FAM13A: variants seen among roughly 807,000 people sequenced by gnomAD.
FAM13A encodes family with sequence similarity 13 member A.
A neutral mutation model predicts 129.6 loss-of-function variants in FAM13A; 76 were observed. That is an observed-to-expected ratio of 0.59 (90% confidence interval 0.49 to 0.71). The LOEUF (loss-of-function observed/expected upper bound fraction) is 0.71, where lower values mean the gene tolerates loss of function less well. Among genes scored for constraint, FAM13A ranks in the 30% least tolerant of loss-of-function variants. The pLI is 0.00. For synonymous variants in FAM13A, 443 were observed against 449.9 expected (o/e 0.98, Z 0.20); for missense variants, 1,108 against 1,249.3 (o/e 0.89, Z 1.70).
rs886756121 is a variant in FAM13A, at chr4:89,006,497, G to A, written c.427+13963C>T. On this transcript the variant is annotated intron_variant, in intron 3 of 23. Coordinates refer to ENST00000264344, the MANE Select transcript of FAM13A (RefSeq NM_014883.4). ...TTGCTTACTCAAACCCCTTGTGGGA[G>A]GAGGAGCATGCAGGCAAGCAGGTGC... Among the ~76,000 whole-genome samples, 12 of 152,352 alleles carry A rather than the reference G, an allele frequency of 7.9e-5. No homozygotes were observed. In the South Asian group the frequency reaches 1.0e-3, roughly 13 times the overall value.
intron 13 of FAM13A, among the ~76,000 whole-genome samples, chr4:88,761,027 C>G (rs1744721121): frequency 6.6e-6 from 1 of 152,130 alleles, no homozygotes; most frequent in African/African-American, 2.4e-5. Context: ...GTCATTTAAG[C>G]CCTCATGCTA....
At chr4:88,872,839 C>A (rs1240843934) in intron 6 of FAM13A, among the ~76,000 whole-genome samples, 1 of 152,170 alleles carries the variant, frequency 6.6e-6, no homozygotes, top group Admixed American at 6.5e-5. Context: ...AATATACATT[C>A]TTCTCAGCAC....
At chr4:88,797,695 G>C (rs1040821664) in intron 8 of FAM13A, among the ~76,000 whole-genome samples, 1 of 151,920 alleles carries the variant, frequency 6.6e-6, no homozygotes, top group Non-Finnish European at 1.5e-5. Flanking sequence ...AGTTTTTAAA[G>C]TCTCTTCTAA....
At chr4:88,820,301 C>G (rs1731646490) in intron 7 of FAM13A, among the ~76,000 whole-genome samples, 1 of 152,166 alleles carries the variant, frequency 6.6e-6, no homozygotes, top group African/African-American at 2.4e-5. Context: ...CTATGCTAAT[C>G]ATACTGTGTA....
chr4:88,873,420 A>T (rs1940438600), intron 6 of FAM13A, among the ~76,000 whole-genome samples: 1 of 152,252 alleles, frequency 6.6e-6, no homozygotes, highest in African/African-American at 2.4e-5. Flanking sequence ...GAAAAGAGAG[A>T]AGAATCAAAT....
intron 7 of FAM13A, among the ~76,000 whole-genome samples, chr4:88,812,681 C>T (rs978131806): frequency 1.3e-5 from 2 of 152,124 alleles, no homozygotes; most frequent in Admixed American, 1.3e-4. Context: ...TAGCTATAAC[C>T]GAGTGCTTAG....
chr4:88,881,089 G>C (rs964739626), intron 6 of FAM13A, among the ~76,000 whole-genome samples: 8 of 152,162 alleles, frequency 5.3e-5, no homozygotes, highest in Non-Finnish European at 1.0e-4. Context: ...GCTCTATGGC[G>C]CTGCCCACCG....
At chr4:88,902,154 T>G (rs1430600267) in intron 6 of FAM13A, among the ~76,000 whole-genome samples, 1 of 152,088 alleles carries the variant, frequency 6.6e-6, no homozygotes, top group East Asian at 1.9e-4. Flanking sequence ...CCAGAAAGAT[T>G]TGCAGCTGAA....
intron 8 of FAM13A, among the ~76,000 whole-genome samples, chr4:88,803,470 G>A (rs1355998242): frequency 3.3e-5 from 5 of 152,084 alleles, no homozygotes; most frequent in Non-Finnish European, 7.4e-5. Context: ...AGAGAAATAA[G>A]TTCTCATTCG....
intron 14 of FAM13A, among the ~76,000 whole-genome samples, chr4:88,756,615 G>A (rs1166284833): frequency 1.3e-5 from 2 of 152,002 alleles, no homozygotes; most frequent in Non-Finnish European, 2.9e-5. Context: ...TATGACTTTC[G>A]TTTACATATT....
chr4:88,790,762 C>G, intron 8 of FAM13A, 135 bp from the exon 9 acceptor site: 1 of 695,572 alleles, frequency 1.4e-6, no homozygotes, highest in South Asian at 1.9e-5. Context: ...TTTAACCATC[C>G]AATGAAAGAT....
At chr4:89,050,551 T>C (rs1286476409) in intron 1 of FAM13A, among the ~76,000 whole-genome samples, 3 of 152,128 alleles carry the variant, frequency 2.0e-5, no homozygotes, top group Admixed American at 6.5e-5. Context: ...ACAGCTTTTT[T>C]TTTACAAAAA....
chr4:88,918,783 T>G (rs1475360088), intron 5 of FAM13A, among the ~76,000 whole-genome samples: 1 of 152,232 alleles, frequency 6.6e-6, no homozygotes, highest in Non-Finnish European at 1.5e-5. Flanking sequence ...GTACACCATA[T>G]CATTTCCTCA....
chr4:88,945,990 G>GTGTGTGTGTGTGTATATA lies in FAM13A; in HGVS notation c.606-7750_606-7749insTATATACACACACACACA. 7.4e-4 allele frequency among the ~76,000 whole-genome samples: 46 copies of GTGTGTGTGTGTGTATATA among 61,924 alleles called. 3 individuals are homozygous for GTGTGTGTGTGTGTATATA. Among genetic ancestry groups the GTGTGTGTGTGTGTATATA allele is most frequent in the Middle Eastern group, 0.02 (2 of 100 alleles). 40.6% of individuals were successfully genotyped at this position (61,924 alleles called of 152,430 possible). A position where few individuals can be genotyped will look rare whatever the true frequency, so the allele number is the denominator to read the frequency against. On this transcript the variant is annotated intron_variant, in intron 4 of 23. Transcript: ENST00000264344. ...TGTGTGTGTGTGTGTGTGTGTGTGT[G>GTGTGTGTGTGTGTATATA]TATATATATATATATATATATATAT...
In FAM13A at chr4:88,749,047, G is replaced by A; in HGVS notation, c.2080-14C>T. 1 of 1,593,804 alleles carries A rather than the reference G, an allele frequency of 6.3e-7. No individual in the cohort carries two copies. The highest frequency in any genetic ancestry group is 8.6e-7 in the Non-Finnish European group (1 of 1,162,092). On this transcript the variant is annotated splice_polypyrimidine_tract_variant and intron_variant, in intron 16 of 23. Coordinates refer to ENST00000264344, the MANE Select transcript of FAM13A (RefSeq NM_014883.4). ...ACTGTGGGAAGGCTGAGAAAAGGAA[G>A]TCTAGAGTAAATGCTTTGGAACTGG...
At chr4:88,996,916 G>C (rs1016036545) in intron 3 of FAM13A, among the ~76,000 whole-genome samples, 5 of 152,132 alleles carry the variant, frequency 3.3e-5, no homozygotes, top group Non-Finnish European at 5.9e-5. Context: ...AGACAAACTA[G>C]CATAGGAATA....
intron 4 of FAM13A, among the ~76,000 whole-genome samples, chr4:88,951,060 G>A (rs1213759494): frequency 1.3e-5 from 2 of 152,286 alleles, no homozygotes; most frequent in Non-Finnish European, 2.9e-5. Flanking sequence ...TAGGCTGGGA[G>A]GAGCAATGGG....
chr4:88,860,336 T>C (rs1490799645), intron 6 of FAM13A, among the ~76,000 whole-genome samples: 1 of 152,220 alleles, frequency 6.6e-6, no homozygotes, highest in Non-Finnish European at 1.5e-5. Flanking sequence ...AGGATGAGAA[T>C]ACTCAGGATT....
intron 7 of FAM13A, among the ~76,000 whole-genome samples, chr4:88,825,615 A>C (rs1387994215): frequency 2.6e-5 from 4 of 152,204 alleles, no homozygotes; most frequent in Non-Finnish European, 5.9e-5. Context: ...GAACACATTA[A>C]TACTACCTGG....
Sources: allele counts gnomAD v4.1 joint callset (sites outside exome capture counted in the v4.1 genomes callset), GRCh38; gene constraint gnomAD v4.1.1; transcripts MANE v1.5; gene names NCBI Gene and HGNC (gene_info 2026-07-23, HGNC 2026-07-21).